HCN2: variants seen among roughly 807,000 people sequenced by gnomAD.
HCN2 encodes the protein potassium/sodium hyperpolarization-activated cyclic nucleotide-gated channel 2.
A neutral mutation model predicts 52.3 loss-of-function variants in HCN2; 20 were observed. The observed-to-expected ratio is 0.38, with a 90% confidence interval of 0.27 to 0.56. HCN2 has a LOEUF of 0.56. Among genes scored for constraint, HCN2 ranks in the 20% least tolerant of loss-of-function variants. HCN2 has a pLI of 0.71. For missense variants in HCN2, 981 were observed against 1,207.7 expected, an observed-to-expected ratio of 0.81 and a Z score of 2.78; for synonymous variants, 694 against 537.0, an observed-to-expected ratio of 1.29 and a Z score of -4.04.
chr19:603,309 G>A (rs1983278453), intron 1 of HCN2, among the ~76,000 whole-genome samples: 1 of 147,162 alleles, frequency 6.8e-6, no homozygotes, highest in Non-Finnish European at 1.5e-5. Flanking sequence ...TCGCCCCCCA[G>A]GGAGGAATGC....
rs1983490725 is a variant in HCN2, at chr19:608,278, T to C, written c.1437+96T>C. The C allele has an allele frequency of 2.3e-5, 26 of 1,147,864 alleles. No individual in the cohort carries two copies. In the East Asian group the frequency reaches 6.4e-4, roughly 28 times the overall value. 71.1% of individuals were successfully genotyped at this position (1,147,864 alleles called of 1,614,324 possible). ...AGTCAGGCCAGGCCCTGGGGTCTGA[T>C]GGAGGGAGGCAGGCCCGGTCCTGGG... On this transcript the variant is annotated intron_variant, in intron 4 of 7. Transcript: ENST00000251287.
At chr19:612,676 G>C (rs1449462346) in intron 5 of HCN2, among the ~76,000 whole-genome samples, 1 of 151,732 alleles carries the variant, frequency 6.6e-6, no homozygotes, top group Admixed American at 6.6e-5. Flanking sequence ...TGGCCTCCCA[G>C]AGTGCTGGGA....
rs1333758375 is a variant in HCN2, at chr19:589,892, C to G, written c.-54C>G. The G allele has an allele frequency of 1.0e-5, 7 of 675,612 alleles. No homozygotes were observed. The highest frequency in any genetic ancestry group is 1.3e-5 in the Non-Finnish European group (7 of 559,370). The allele number at this position is 675,612 out of a possible 1,614,324, so 41.9% of individuals were successfully genotyped here. On this transcript the variant is annotated 5_prime_UTR_variant, in exon 1 of 8. Transcript: ENST00000251287. ...CCCGCCTCCCCCCTCCCTCGGGCTC[C>G]GGCCGGCGGCGGCGGCGGCGGCTCC...
Position 603,904 on chromosome 19 carries a change from C to T in HCN2, c.993C>T (p.Ile331=). ...TGCGCATCGTGCGCTTCACCAAGAT[C>T]CTCAGCCTCCTGCGGCTGCTGCGCC... ...RALRIVRFTK[I]LSLLRLLRLS... The change falls in exon 2 of 8, where the codon ATC becomes ATT. Residue 331 remains isoleucine (I), a synonymous_variant. Transcript: ENST00000251287. 6.2e-7 allele frequency: 1 copy of T among 1,612,042 alleles called. No homozygotes were observed. Among genetic ancestry groups the T allele is most frequent in the East Asian group, 2.2e-5 (1 of 44,876 alleles).
chr19:615,690 C>T (rs756491933), intron 7 of HCN2, 105 bp from the exon 8 acceptor site: 1 of 1,054,358 alleles, frequency 9.5e-7, no homozygotes, highest in Admixed American at 1.9e-5. Flanking sequence ...GCTTGCTCTA[C>T]ACGGCAAGCA....
chr19:604,919 G>A (rs1243049813), intron 2 of HCN2, 142 bp from the exon 3 acceptor site: 3 of 861,362 alleles, frequency 3.5e-6, no homozygotes, highest in Non-Finnish European at 5.2e-6. Context: ...AGGGCTGCAG[G>A]GTGGGGCGGG....
Position 590,307 on chromosome 19 carries a change from C to A in HCN2, c.362C>A (p.Pro121His). ...GGGCCCGAGGGCCCGGCGCGGGGGC[C>A]CAAGGTGTCGTTCTCGTGCCGCGGG... ...PAGPEGPARG[P>H]KVSFSCRGAA... The change falls in exon 1 of 8, where the codon CCC (proline) becomes CAC (histidine). Residue 121 changes from proline to histidine, a missense_variant. By Grantham distance (77) the Pro-to-His change is moderately conservative (BLOSUM62 -2). Around this residue, in one of 6 missense-constraint regions of HCN2, gnomAD observed 215 missense variants for 179.4 expected, o/e 1.20. Transcript: ENST00000251287. The surrounding 1 kb of genome is among the most constrained non-coding windows in gnomAD (Gnocchi z 7.2). 1 of 1,008,384 alleles carries A rather than the reference C, an allele frequency of 9.9e-7. No individual in the cohort carries two copies. The highest frequency in any genetic ancestry group is 1.2e-6 in the Non-Finnish European group (1 of 847,348). The allele number at this position is 1,008,384 out of a possible 1,614,324, so 62.5% of individuals were successfully genotyped here. A position where few individuals can be genotyped will look rare whatever the true frequency, so the allele number is the denominator to read the frequency against.
intron 4 of HCN2, among the ~76,000 whole-genome samples, chr19:610,030 G>A (rs1036006820): frequency 2.0e-5 from 3 of 152,300 alleles, no homozygotes; most frequent in Admixed American, 1.3e-4. Flanking sequence ...TGTGGGCGGG[G>A]GCTTTGTCTG....
chr19:610,455 C>A (rs1401929773), intron 5 of HCN2, 50 bp downstream of exon 5: 1 of 1,553,102 alleles, frequency 6.4e-7, no homozygotes. Flanking sequence ...ACAGGGCCGG[C>A]CTCCCTCTCC....
rs1422243680 is a variant in HCN2, at chr19:616,228, G to C, written c.2424G>C (p.Leu808=). The C allele has an allele frequency of 8.1e-6, 8 of 992,948 alleles. No homozygotes were observed. The highest frequency in any genetic ancestry group is 3.5e-5 in the African/African-American group (2 of 56,456). The allele number at this position is 992,948 out of a possible 1,614,324, so 61.5% of individuals were successfully genotyped here. ...CCGCCCCCCTTGCTGGGCCCGCCCT[G>C]CCCGCGCGCCGCCTGAGCCGCGCGT... The part of the protein sequence containing the change: ...LPAAPLAGPA[L]PARRLSRASR... Residue 808 remains leucine, a synonymous_variant, in exon 8 of 8, where the codon CTG becomes CTC. Transcript: ENST00000251287.
chr19:608,706 TG>T (rs1038492404), intron 4 of HCN2, among the ~76,000 whole-genome samples: 2 of 151,820 alleles, frequency 1.3e-5, no homozygotes, highest in African/African-American at 4.8e-5. Flanking sequence ...GCCAGGAGGC[TG>T]GGCCCACCTG....
At chr19:613,136 G>C in intron 5 of HCN2, 112 bp from the exon 6 acceptor site, 3 of 1,386,234 alleles carry the variant, frequency 2.2e-6, no homozygotes, top group African/African-American at 1.4e-5. Context: ...GGCTGAGCCC[G>C]TCTCTCAGAC....
chr19:593,772 C>CCCAAGTTCAAGGAT (rs1982942733), intron 1 of HCN2, among the ~76,000 whole-genome samples: 1 of 152,100 alleles, frequency 6.6e-6, no homozygotes, highest in African/African-American at 2.4e-5. Flanking sequence ...AGTTCAAGGA[C>CCCAAGTTCAAGGAT]CCAAGTTCAA....
chr19:598,975 G>GC (rs1021357860), intron 1 of HCN2, among the ~76,000 whole-genome samples: 2 of 152,062 alleles, frequency 1.3e-5, no homozygotes, highest in Admixed American at 1.3e-4. Flanking sequence ...CGAAGGCTCA[G>GC]CCCCTCCCCA....
At position 591,217 on chromosome 19, in the gene HCN2, A is replaced by G. The variant is rs1482437340; in HGVS notation, c.632+640A>G. 6.6e-6 allele frequency: 1 copy of G among 152,234 alleles called. No individual in the cohort carries two copies. The allele number at this position is 152,234 out of a possible 1,614,324, so 9.4% of individuals were successfully genotyped here. ...GCAGGGCCGGCGCGGGGCCACCGCC[A>G]CTGATGTTTGCGGTCGTGGTTCCTG... On this transcript the variant is annotated intron_variant, in intron 1 of 7. Coordinates refer to ENST00000251287, the MANE Select transcript of HCN2 (RefSeq NM_001194.4). This position sits in a 1 kb window ranked among gnomAD's most constrained non-coding sequence, Gnocchi z 4.1.
At chr19:611,861 T>C (rs1366008898) in intron 5 of HCN2, among the ~76,000 whole-genome samples, 1 of 152,056 alleles carries the variant, frequency 6.6e-6, no homozygotes, top group African/African-American at 2.4e-5. Flanking sequence ...TAAACCCACA[T>C]ATGGCCAGGC....
intron 5 of HCN2, among the ~76,000 whole-genome samples, chr19:610,917 C>CT (rs1209309271): frequency 6.6e-6 from 1 of 152,186 alleles, no homozygotes; most frequent in African/African-American, 2.4e-5. Context: ...CCGTGCTACC[C>CT]CCCCGGAGCC....
chr19:593,464 G>A (rs11879552), intron 1 of HCN2, among the ~76,000 whole-genome samples: 48,010 of 151,866 alleles, frequency 0.32, 9,435 homozygotes, highest in African/African-American at 0.56. Flanking sequence ...TACTAAAAAT[G>A]CAAAAATTAG....
chr19:595,959 G>A (rs1209321491), intron 1 of HCN2, among the ~76,000 whole-genome samples: 4 of 152,158 alleles, frequency 2.6e-5, no homozygotes, highest in East Asian at 1.9e-4. Context: ...GCCCTCGCCC[G>A]TTCCCCAACC....
Sources: gnomAD v4.1 joint callset for allele counts (sites outside exome capture counted in the v4.1 genomes callset) on GRCh38, gnomAD v4.1.1 for gene constraint, gnomAD v4.1.1 regional missense constraint, Gnocchi (gnomAD v3.1) non-coding constraint, MANE v1.5 for transcripts, NCBI Gene and HGNC (gene_info 2026-07-23, HGNC 2026-07-21) for gene names.